The following ANKRD27 variants were observed in gnomAD, a reference collection of about 807,000 sequenced individuals.
The protein encoded by ANKRD27 is ankyrin repeat domain 27.
A neutral mutation model predicts 129.7 loss-of-function variants in ANKRD27; 112 were observed. The ratio of observed to expected loss-of-function variants is 0.86; its 90% CI spans 0.74 to 1.01. ANKRD27 has a LOEUF of 1.01. ANKRD27 is among the 50% of genes least tolerant of loss of function. The probability of loss-of-function intolerance (pLI) is 0.00; values close to 1 mark genes in which losing one functional copy is unlikely to be tolerated. For synonymous variants in ANKRD27, 516 were observed against 511.2 expected (o/e 1.01, Z -0.13); for missense variants, 1,258 against 1,300.5 (o/e 0.97, Z 0.50).
intron 2 of ANKRD27, among the ~76,000 whole-genome samples, chr19:32,658,151 TTG>T (rs1284318628): frequency 1.3e-5 from 2 of 151,948 alleles, no homozygotes; most frequent in Admixed American, 1.3e-4. Context: ...GGACATCCAT[TTG>T]AGAGAGTAGG....
intron 2 of ANKRD27, among the ~76,000 whole-genome samples, chr19:32,653,483 C>A (rs894501716): frequency 2.0e-5 from 3 of 152,156 alleles, no homozygotes; most frequent in Non-Finnish European, 2.9e-5. Context: ...ACCTGCCCAG[C>A]CTGCTCTGAG....
chr19:32,606,184 G>A (rs1971733229), intron 23 of ANKRD27, among the ~76,000 whole-genome samples: 2 of 132,152 alleles, frequency 1.5e-5, no homozygotes, highest in Admixed American at 8.9e-5. Flanking sequence ...ACAGAGTCTC[G>A]CTCTGTCGCC....
At chr19:32,620,358 A>T (rs1971990221) in intron 18 of ANKRD27, among the ~76,000 whole-genome samples, 1 of 151,964 alleles carries the variant, frequency 6.6e-6, no homozygotes. Context: ...CAGGAGTTCA[A>T]GACCAGCCTG....
intron 27 of ANKRD27, 47 bp from the exon 28 acceptor site, chr19:32,599,823 A>G: frequency 6.3e-7 from 1 of 1,599,802 alleles, no homozygotes; most frequent in Non-Finnish European, 8.5e-7. Flanking sequence ...CAGTGGCATG[A>G]AACACTCTGG....
chr19:32,628,599 AG>A (rs1966933033), intron 14 of ANKRD27, 122 bp downstream of exon 14: 1 of 1,265,056 alleles, frequency 7.9e-7, no homozygotes, highest in Admixed American at 1.9e-5. Context: ...ACTGTACAGC[AG>A]AGGCAGCTGG....
In ANKRD27 at chr19:32,631,527, G is replaced by A. The variant is rs188981210; in HGVS notation, c.1117-33C>T. Reference sequence around the variant, plus strand: ...GAAAAAACCAAACACACCACGAGATGTCAGTGCAGATCCTTCAAAACCCAG... The same window carrying A: ...GAAAAAACCAAACACACCACGAGATATCAGTGCAGATCCTTCAAAACCCAG... On this transcript the variant is annotated intron_variant, in intron 12 of 28. Transcript: ENST00000306065. The A allele has an allele frequency of 1.3e-4, 199 of 1,573,390 alleles. 4 individuals are homozygous for A. The East Asian group carries it at 1.9e-3, about 15-fold the overall frequency.
chr19:32,626,356 T>G (rs898469747), intron 16 of ANKRD27, among the ~76,000 whole-genome samples: 2 of 152,032 alleles, frequency 1.3e-5, no homozygotes, highest in African/African-American at 4.8e-5. Flanking sequence ...TATTTTTTGG[T>G]AGAGATAGGG....
rs995739834 is a variant in ANKRD27, at chr19:32,625,879, C to T, written c.1624G>A (p.Glu542Lys). Residue 542 changes from glutamate (E) to lysine (K), a missense_variant, in exon 17 of 29, where the codon GAG (glutamate) becomes AAG (lysine). Coordinates refer to ENST00000306065, the MANE Select transcript of ANKRD27 (RefSeq NM_032139.3). Reference protein sequence around the residue: ...PLHLACTYGHEDCVKALVYYD... With the variant: ...PLHLACTYGHKDCVKALVYYD... ...GAACAGCAAGAGCCACTCACGTCCT[C>T]GTGGCCGTAGGTGCAGGCCAGGTGG... 15 of 1,596,374 alleles carry T rather than the reference C, an allele frequency of 9.4e-6. No homozygotes were observed. The highest frequency in any genetic ancestry group is 1.0e-5 in the Non-Finnish European group (12 of 1,173,236).
chr19:32,630,525 C>G (rs754080232), intron 13 of ANKRD27, among the ~76,000 whole-genome samples: 4 of 152,252 alleles, frequency 2.6e-5, no homozygotes, highest in Non-Finnish European at 1.5e-5. Flanking sequence ...AGCGGAGGCA[C>G]CACTGAGCTG....
At chr19:32,620,477 G>C (rs1686485870) in intron 18 of ANKRD27, among the ~76,000 whole-genome samples, 1 of 151,654 alleles carries the variant, frequency 6.6e-6, no homozygotes, top group Non-Finnish European at 1.5e-5. Context: ...GCTGAGGCAG[G>C]AGAATTGCTT....
At chr19:32,655,725 T>C (rs1364046501) in intron 2 of ANKRD27, among the ~76,000 whole-genome samples, 3 of 151,084 alleles carry the variant, frequency 2.0e-5, no homozygotes, top group Admixed American at 6.6e-5. Flanking sequence ...CTACAAAAAT[T>C]ACAAAAGTTA....
At chr19:32,615,511 G>A in intron 22 of ANKRD27, 147 bp downstream of exon 22, 2 of 1,252,768 alleles carry the variant, frequency 1.6e-6, no homozygotes, top group Non-Finnish European at 2.3e-6. Flanking sequence ...TTGAGCCCAG[G>A]CGGTTGAGGC....
chr19:32,654,501 T>C (rs1967482107), intron 2 of ANKRD27, among the ~76,000 whole-genome samples: 3 of 152,108 alleles, frequency 2.0e-5, no homozygotes, highest in East Asian at 1.9e-4. Context: ...TCTATGAACA[T>C]AGGTAGAGCA....
rs1235716044 is a variant in ANKRD27 at position 32,621,886 on chromosome 19, G to A, written c.1827+536C>T. ...GAGAGTGCAGAGAACTGGCCTCTGC[G>A]AGCCACCTCCAAGCCCCACTGACTC... On this transcript the variant is annotated intron_variant, in intron 18 of 28. Coordinates refer to ENST00000306065, the MANE Select transcript of ANKRD27 (RefSeq NM_032139.3). Among the ~76,000 whole-genome samples, 5 of 152,222 alleles carry A rather than the reference G, an allele frequency of 3.3e-5. No individual in the cohort carries two copies. The East Asian group carries it at 5.8e-4, about 18-fold the overall frequency.
intron 22 of ANKRD27, among the ~76,000 whole-genome samples, chr19:32,608,750 T>C (rs1971789494): frequency 6.6e-6 from 1 of 152,066 alleles, no homozygotes; most frequent in Non-Finnish European, 1.5e-5. Flanking sequence ...TCAGGAGTTC[T>C]AGACCATCCT....
intron 1 of ANKRD27, among the ~76,000 whole-genome samples, chr19:32,664,449 G>A (rs544930176): frequency 5.3e-4 from 81 of 151,586 alleles, no homozygotes; most frequent in Admixed American, 2.0e-4. Context: ...ATGAAACCCC[G>A]TCTCTATAAA....
At chr19:32,630,235 C>A (rs762556748) in intron 13 of ANKRD27, among the ~76,000 whole-genome samples, 24 of 152,224 alleles carry the variant, frequency 1.6e-4, no homozygotes, top group Non-Finnish European at 2.4e-4. Context: ...GCTTCCTGGA[C>A]GTGCTCATTC....
chr19:32,642,254 G>C (rs1967216433), intron 9 of ANKRD27, 109 bp from the exon 10 acceptor site: 18 of 1,135,568 alleles, frequency 1.6e-5, no homozygotes, highest in Admixed American at 3.1e-5. Context: ...AAACCAGAAG[G>C]AATGAAACAC....
chr19:32,617,240 T>C (rs1001250679), intron 21 of ANKRD27, among the ~76,000 whole-genome samples: 1 of 152,112 alleles, frequency 6.6e-6, no homozygotes, highest in African/African-American at 2.4e-5. Flanking sequence ...AACAAGCTTT[T>C]TATAATAAAA....
Sources: gnomAD v4.1 joint callset for allele counts (sites outside exome capture counted in the v4.1 genomes callset) on GRCh38, gnomAD v4.1.1 for gene constraint, MANE v1.5 for transcripts, NCBI Gene and HGNC (gene_info 2026-07-23, HGNC 2026-07-21) for gene names.